Variants in CA10 observed in about 807,000 individuals in gnomAD.
CA10 encodes the protein carbonic anhydrase-related protein 10.
A neutral mutation model predicts 44.2 loss-of-function variants in CA10; 14 were observed. The ratio of observed to expected loss-of-function variants is 0.32; its 90% confidence interval spans 0.21 to 0.50. The LOEUF (loss-of-function observed/expected upper bound fraction) is 0.50. Among genes scored for constraint, CA10 ranks in the 20% least tolerant of loss-of-function variants. The pLI, the probability that CA10 is intolerant of heterozygous loss-of-function variation, is 0.99. For synonymous variants in CA10, 159 were observed against 141.6 expected, an observed-to-expected ratio of 1.12 and a Z score of -0.87; for missense variants, 350 against 409.7, an observed-to-expected ratio of 0.85 and a Z score of 1.26.
At position 51,796,005 on chromosome 17, in the gene CA10, G is replaced by A. The variant is rs891373608; in HGVS notation, c.280-48187C>T. Reference sequence around the variant, plus strand: ...ATCAGGAGCTTTATTTTATAGAACGGGGCTTGCAGTCTGGAATGAGACAGA... The same window carrying A: ...ATCAGGAGCTTTATTTTATAGAACGAGGCTTGCAGTCTGGAATGAGACAGA... On this transcript the variant is annotated intron_variant, in intron 3 of 8. Coordinates refer to ENST00000451037, the MANE Select transcript of CA10 (RefSeq NM_020178.5). 3.3e-5 allele frequency among the ~76,000 whole-genome samples: 5 copies of A among 152,288 alleles called. 1 individual carries two copies. The South Asian group carries it at 1.0e-3, about 32-fold the overall frequency.
At chr17:51,671,895 C>T (rs1304110049) in intron 4 of CA10, among the ~76,000 whole-genome samples, 1 of 152,156 alleles carries the variant, frequency 6.6e-6, no homozygotes, top group African/African-American at 2.4e-5. Context: ...AAAATATGGG[C>T]TTGACTGTGC....
intron 3 of CA10, among the ~76,000 whole-genome samples, chr17:51,790,424 A>G (rs1291582551): frequency 6.6e-6 from 1 of 152,146 alleles, no homozygotes; most frequent in African/African-American, 2.4e-5. Context: ...TTGGGATTAT[A>G]CCTCTTGCAT....
At chr17:51,996,580 T>C (rs1172123345) in intron 2 of CA10, among the ~76,000 whole-genome samples, 1 of 152,070 alleles carries the variant, frequency 6.6e-6, no homozygotes, top group Admixed American at 6.6e-5. Context: ...ATCTCATATT[T>C]CAGGATACAC....
intron 2 of CA10, among the ~76,000 whole-genome samples, chr17:51,965,016 A>T (rs893509981): frequency 2.0e-5 from 3 of 151,988 alleles, no homozygotes; most frequent in Non-Finnish European, 4.4e-5. Context: ...AGATTAAAAA[A>T]TAAACAGAAG....
chr17:51,795,042 A>C (rs1447441587), intron 3 of CA10, among the ~76,000 whole-genome samples: 1 of 152,190 alleles, frequency 6.6e-6, no homozygotes, highest in Non-Finnish European at 1.5e-5. Flanking sequence ...ATTTTCCAGA[A>C]GTTTTAACTT....
chr17:51,879,884 G>T (rs905649357), intron 3 of CA10, among the ~76,000 whole-genome samples: 12 of 152,192 alleles, frequency 7.9e-5, no homozygotes, highest in African/African-American at 2.9e-4. Flanking sequence ...TTGAGTGAAG[G>T]TGTATTAATC....
intron 1 of CA10, among the ~76,000 whole-genome samples, chr17:52,130,687 CT>C (rs1037995629): frequency 5.2e-4 from 79 of 152,062 alleles, no homozygotes; most frequent in African/African-American, 1.6e-3. Flanking sequence ...ATATACATGT[CT>C]TTTTTTCTTC....
chr17:51,820,462 C>G (rs1907739744), intron 3 of CA10, among the ~76,000 whole-genome samples: 1 of 131,636 alleles, frequency 7.6e-6, no homozygotes, highest in Admixed American at 8.9e-5. Flanking sequence ...TAGTTTGAAC[C>G]TGTTCTCTCT....
intron 3 of CA10, among the ~76,000 whole-genome samples, chr17:51,921,640 T>C (rs1031621800): frequency 5.3e-5 from 8 of 152,172 alleles, no homozygotes; most frequent in African/African-American, 1.9e-4. Context: ...TACTGTCTTC[T>C]CAGTGAAGGG....
intron 3 of CA10, among the ~76,000 whole-genome samples, chr17:51,779,691 G>C (rs1266008355): frequency 6.6e-6 from 1 of 152,206 alleles, no homozygotes; most frequent in Non-Finnish European, 1.5e-5. Context: ...AAGCTTTCCT[G>C]TTGAACCACT....
At chr17:51,890,498 GTTGT>G (rs929053689) in intron 3 of CA10, among the ~76,000 whole-genome samples, 7 of 152,180 alleles carry the variant, frequency 4.6e-5, no homozygotes, top group African/African-American at 7.2e-5. Flanking sequence ...GGGCTATTTT[GTTGT>G]TTGTTTGTTT....
At chr17:52,111,340 T>C (rs1043394785) in intron 1 of CA10, among the ~76,000 whole-genome samples, 5 of 152,262 alleles carry the variant, frequency 3.3e-5, no homozygotes, top group African/African-American at 1.2e-4. Context: ...GAATTATTCT[T>C]TGAAGGCAAA....
chr17:51,849,249 A>G (rs1453890641), intron 3 of CA10, among the ~76,000 whole-genome samples: 17 of 134,232 alleles, frequency 1.3e-4, no homozygotes, highest in South Asian at 2.3e-4. Context: ...ATATATATAT[A>G]TATATATATA....
chr17:51,839,541 G>A (rs1978302639), intron 3 of CA10, among the ~76,000 whole-genome samples: 1 of 108,406 alleles, frequency 9.2e-6, no homozygotes. Context: ...GAACTACTTT[G>A]TAGAAGAGGC....
chr17:52,071,677 C>T (rs1987683394), intron 2 of CA10, among the ~76,000 whole-genome samples: 1 of 152,118 alleles, frequency 6.6e-6, no homozygotes, highest in Non-Finnish European at 1.5e-5. Flanking sequence ...TCTATCCTTG[C>T]CTTTTGCTTG....
chr17:52,065,632 T>C (rs1245610389), intron 2 of CA10, among the ~76,000 whole-genome samples: 3 of 152,160 alleles, frequency 2.0e-5, no homozygotes, highest in Non-Finnish European at 4.4e-5. Context: ...CTCCTTTGAT[T>C]CTTTAGGGTA....
intron 3 of CA10, among the ~76,000 whole-genome samples, chr17:51,856,340 G>A (rs958222574): frequency 1.5e-4 from 22 of 148,474 alleles, no homozygotes; most frequent in Non-Finnish European, 1.8e-4. Flanking sequence ...CATGAAAACT[G>A]GTGAGGGAGA....
chr17:51,778,401 G>C (rs933363491), intron 3 of CA10, among the ~76,000 whole-genome samples: 2 of 152,184 alleles, frequency 1.3e-5, no homozygotes, highest in Non-Finnish European at 2.9e-5. Flanking sequence ...AGCTGGCCTT[G>C]CCTGTAAGCT....
At chr17:52,125,891 G>C (rs183692214) in intron 1 of CA10, among the ~76,000 whole-genome samples, 103 of 152,240 alleles carry the variant, frequency 6.8e-4, no homozygotes, top group African/African-American at 2.3e-3. Flanking sequence ...GTGGTGGAAA[G>C]AATGCTGGAT....
Sources: gnomAD v4.1 joint callset for allele counts (sites outside exome capture counted in the v4.1 genomes callset) on GRCh38, gnomAD v4.1.1 for gene constraint, MANE v1.5 for transcripts, NCBI Gene and HGNC (gene_info 2026-07-23, HGNC 2026-07-21) for gene names.